GRM8: variants seen among roughly 807,000 people sequenced by gnomAD.
GRM8 encodes the protein metabotropic glutamate receptor 8.
GRM8 carries 47 observed loss-of-function variants against 87.2 expected under a neutral mutation model. The ratio of observed to expected loss-of-function variants is 0.54; its 90% CI spans 0.43 to 0.69. The LOEUF (loss-of-function observed/expected upper bound fraction) is 0.69. Among genes scored for constraint, GRM8 ranks in the 30% least tolerant of loss-of-function variants. The probability of loss-of-function intolerance (pLI) is 0.00; values close to 1 mark genes in which losing one functional copy is unlikely to be tolerated. For synonymous variants in GRM8, 396 were observed against 404.5 expected (o/e 0.98, Z 0.25); for missense variants, 1,019 against 1,139.2 (o/e 0.89, Z 1.52).
At chr7:126,594,028 A>G (rs1796933268) in intron 8 of GRM8, among the ~76,000 whole-genome samples, 2 of 152,110 alleles carry the variant, frequency 1.3e-5, no homozygotes, top group South Asian at 4.1e-4. Flanking sequence ...GAAAATGCAA[A>G]TTAAAACCAT....
At chr7:126,720,629 G>A (rs1812292776) in intron 7 of GRM8, among the ~76,000 whole-genome samples, 1 of 152,104 alleles carries the variant, frequency 6.6e-6, no homozygotes, top group Non-Finnish European at 1.5e-5. Flanking sequence ...CATACACACT[G>A]TCTTTACAAT....
At chr7:126,854,376 C>T (rs984803093) in intron 6 of GRM8, among the ~76,000 whole-genome samples, 3 of 152,156 alleles carry the variant, frequency 2.0e-5, no homozygotes, top group Non-Finnish European at 4.4e-5. Context: ...TTATCTTTCC[C>T]AGCTCTTACT....
At chr7:126,479,658 T>G (rs1806422711) in intron 9 of GRM8, among the ~76,000 whole-genome samples, 1 of 152,144 alleles carries the variant, frequency 6.6e-6, no homozygotes, top group Admixed American at 6.6e-5. Context: ...AGTTTTTGAC[T>G]ATTTTAAATA....
chr7:126,585,769 A>G (rs1298109533), intron 8 of GRM8, among the ~76,000 whole-genome samples: 1 of 152,144 alleles, frequency 6.6e-6, no homozygotes, highest in Non-Finnish European at 1.5e-5. Context: ...GAAAACTGGC[A>G]CAAGACAGGG....
At chr7:127,120,806 C>A (rs1827044991) in intron 2 of GRM8, among the ~76,000 whole-genome samples, 1 of 152,176 alleles carries the variant, frequency 6.6e-6, no homozygotes, top group African/African-American at 2.4e-5. Flanking sequence ...ATCTCCTGAT[C>A]ATTAGAAATT....
chr7:126,662,637 C>T (rs932820126), intron 7 of GRM8, among the ~76,000 whole-genome samples: 3 of 152,120 alleles, frequency 2.0e-5, no homozygotes, highest in Non-Finnish European at 2.9e-5. Flanking sequence ...ACAAATAGTA[C>T]AGAGGAGAAT....
chr7:126,623,197 G>A (rs1215196410), intron 7 of GRM8, among the ~76,000 whole-genome samples: 1 of 152,158 alleles, frequency 6.6e-6, no homozygotes, highest in Non-Finnish European at 1.5e-5. Context: ...CATACAAGAT[G>A]TTAACGGTTG....
intron 3 of GRM8, among the ~76,000 whole-genome samples, chr7:127,014,449 C>T (rs936317040): frequency 3.3e-5 from 5 of 152,016 alleles, no homozygotes; most frequent in East Asian, 1.9e-4. Flanking sequence ...GTTAGCAGCA[C>T]GGCCTTTGGG....
chr7:127,041,919 G>C (rs934681950), intron 3 of GRM8, among the ~76,000 whole-genome samples: 1 of 152,116 alleles, frequency 6.6e-6, no homozygotes, highest in Non-Finnish European at 1.5e-5. Context: ...AGCTCTGATT[G>C]GTTGAGCTCT....
chr7:126,828,956 T>C (rs955442390), intron 6 of GRM8, among the ~76,000 whole-genome samples: 71 of 152,356 alleles, frequency 4.7e-4, no homozygotes, highest in African/African-American at 1.6e-3. Context: ...CATTTCGTTA[T>C]GTACCCAGTA....
intron 9 of GRM8, among the ~76,000 whole-genome samples, chr7:126,457,734 A>G (rs554011990): frequency 1.3e-5 from 2 of 151,394 alleles, no homozygotes; most frequent in South Asian, 4.2e-4. Context: ...ATCTCAAAAA[A>G]CTAAAGAAAA....
chr7:126,819,945 G>C (rs2130134680), intron 6 of GRM8, among the ~76,000 whole-genome samples: 1 of 152,152 alleles, frequency 6.6e-6, no homozygotes, highest in South Asian at 2.1e-4. Context: ...AAATTTTATA[G>C]GTACACTGTC....
intron 6 of GRM8, among the ~76,000 whole-genome samples, chr7:126,896,129 C>T (rs1303503133): frequency 2.0e-5 from 3 of 150,232 alleles, no homozygotes; most frequent in Admixed American, 6.7e-5. Context: ...AGTTTCTTCA[C>T]TAGAAAACAA....
chr7:126,831,208 G>A (rs1761587439), intron 6 of GRM8, among the ~76,000 whole-genome samples: 1 of 152,206 alleles, frequency 6.6e-6, no homozygotes, highest in South Asian at 2.1e-4. Flanking sequence ...CCAGCTGAGT[G>A]CTGGGAGAAC....
chr7:127,161,920 GA>G (rs936263153), intron 2 of GRM8, among the ~76,000 whole-genome samples: 22 of 151,880 alleles, frequency 1.4e-4, no homozygotes, highest in African/African-American at 5.1e-4. Context: ...TACTATGAGA[GA>G]AAAAAAATTA....
intron 7 of GRM8, among the ~76,000 whole-genome samples, chr7:126,636,404 T>C (rs12531503): frequency 0.31 from 46,754 of 151,886 alleles, 8,068 homozygotes; most frequent in East Asian, 0.43. Context: ...CTCCTGTATA[T>C]TTTAAATTAA....
At chr7:127,075,846 T>C in intron 3 of GRM8, 1 of 183,558 alleles carries the variant, frequency 5.4e-6, no homozygotes, top group Admixed American at 5.9e-5. Flanking sequence ...CACCCATACC[T>C]GTCTCCCAAG....
intron 9 of GRM8, among the ~76,000 whole-genome samples, chr7:126,499,597 C>T (rs1215583535): frequency 2.0e-5 from 3 of 151,350 alleles, no homozygotes; most frequent in African/African-American, 2.4e-5. Flanking sequence ...AAATACTATT[C>T]GGCCTTTAAA....
chr7:126,947,317 G>A (rs888507551), intron 3 of GRM8, among the ~76,000 whole-genome samples: 4 of 152,116 alleles, frequency 2.6e-5, no homozygotes, highest in Non-Finnish European at 5.9e-5. Context: ...ACAGAAGCTT[G>A]GAGAGTAACA....
Sources: allele counts gnomAD v4.1 joint callset (sites outside exome capture counted in the v4.1 genomes callset), GRCh38; gene constraint gnomAD v4.1.1; transcripts MANE v1.5; gene names NCBI Gene and HGNC (gene_info 2026-07-23, HGNC 2026-07-21).